The following EXOC6B variants were observed in gnomAD, a reference collection of about 807,000 sequenced individuals.
The protein encoded by EXOC6B is SEC15 homolog B.
In EXOC6B, 54 loss-of-function variants were observed where a neutral mutation model predicts 113.5. That is an observed-to-expected ratio of 0.48 (90% confidence interval 0.38 to 0.60). The LOEUF is 0.60. EXOC6B is among the 20% of genes least tolerant of loss of function. EXOC6B has a pLI of 0.00. For missense variants in EXOC6B, 797 were observed against 977.5 expected, an observed-to-expected ratio of 0.82 and a Z score of 2.46; for synonymous variants, 357 against 339.0, an observed-to-expected ratio of 1.05 and a Z score of -0.58.
chr2:72,383,369 C>T (rs1691808747), intron 18 of EXOC6B, among the ~76,000 whole-genome samples: 1 of 152,046 alleles, frequency 6.6e-6, no homozygotes, highest in African/African-American at 2.4e-5. Flanking sequence ...AGAAGTCACA[C>T]ATGTGGCCAA....
Position 72,287,732 on chromosome 2 carries a change from C to T in EXOC6B, c.2196+47215G>A, listed in dbSNP as rs375395435. Among the ~76,000 whole-genome samples, 29 of 152,026 alleles carry T rather than the reference C, an allele frequency of 1.9e-4. No homozygotes were observed. In the East Asian group the frequency reaches 5.2e-3, roughly 27 times the overall value. ...GAAAATTCCTAGAAAACACAATTTA[C>T]CAAAACTGATATAAGAATAAACAGA... On this transcript the variant is annotated intron_variant, in intron 20 of 21. Coordinates refer to ENST00000272427, the MANE Select transcript of EXOC6B (RefSeq NM_015189.3).
intron 20 of EXOC6B, among the ~76,000 whole-genome samples, chr2:72,264,432 G>T (rs183594179): frequency 6.6e-6 from 1 of 152,078 alleles, no homozygotes; most frequent in Non-Finnish European, 1.5e-5. Context: ...TTAGCCAGGC[G>T]TGATGGCAGG....
chr2:72,479,286 T>G (rs963873222), intron 17 of EXOC6B, among the ~76,000 whole-genome samples: 2 of 152,222 alleles, frequency 1.3e-5, no homozygotes, highest in Non-Finnish European at 2.9e-5. Context: ...GAATACTTTC[T>G]GATTCAACAT....
intron 20 of EXOC6B, among the ~76,000 whole-genome samples, chr2:72,304,015 C>T (rs569942435): frequency 6.6e-6 from 1 of 152,330 alleles, no homozygotes; most frequent in East Asian, 1.9e-4. Context: ...ATCCTGCCAA[C>T]TCTGCAGAGC....
chr2:72,266,498 T>C (rs1684093286), intron 20 of EXOC6B, among the ~76,000 whole-genome samples: 1 of 151,932 alleles, frequency 6.6e-6, no homozygotes, highest in Non-Finnish European at 1.5e-5. Context: ...CCAGCACCAT[T>C]TGTTAAATAG....
chr2:72,179,505 C>CCT, intron 21 of EXOC6B, 44 bp from the exon 22 acceptor site: 1 of 1,612,146 alleles, frequency 6.2e-7, no homozygotes, highest in Non-Finnish European at 8.5e-7. Context: ...TTTGAGGAAA[C>CCT]AATGGTGGAA....
rs1364478218 is a variant in EXOC6B at position 72,336,089 on chromosome 2, T to A, written c.2123-1069A>T. Among the ~76,000 whole-genome samples the A allele has an allele frequency of 2.0e-5, 3 of 152,100 alleles. No individual in the cohort carries two copies. The East Asian group carries it at 5.8e-4, about 29-fold the overall frequency. ...TTATACTATTATTCAATTCTTTCTA[T>A]GAAGCCCGTGGCCAATCTCCTATTT... On this transcript the variant is annotated intron_variant, in intron 19 of 21. Coordinates refer to ENST00000272427, the MANE Select transcript of EXOC6B (RefSeq NM_015189.3).
intron 20 of EXOC6B, among the ~76,000 whole-genome samples, chr2:72,323,844 G>A (rs1238580105): frequency 2.0e-5 from 3 of 151,786 alleles, no homozygotes; most frequent in African/African-American, 7.3e-5. Flanking sequence ...GGGGGTGGGG[G>A]GCTAGGGGAG....
At chr2:72,779,664 T>C (rs1448966631) in intron 1 of EXOC6B, among the ~76,000 whole-genome samples, 1 of 152,128 alleles carries the variant, frequency 6.6e-6, no homozygotes, top group African/African-American at 2.4e-5. Flanking sequence ...AAATTAAACA[T>C]GGGACTAAGT....
At chr2:72,723,449 T>A (rs1221604821) in intron 5 of EXOC6B, among the ~76,000 whole-genome samples, 1 of 152,156 alleles carries the variant, frequency 6.6e-6, no homozygotes, top group Non-Finnish European at 1.5e-5. Flanking sequence ...CAAATTAAAT[T>A]TTGGTACTTT....
chr2:72,520,297 A>G (rs1701420255), intron 8 of EXOC6B, among the ~76,000 whole-genome samples: 1 of 152,170 alleles, frequency 6.6e-6, no homozygotes, highest in Non-Finnish European at 1.5e-5. Flanking sequence ...TTTGCCCTTC[A>G]TCTCCTACTG....
At chr2:72,481,982 A>G (rs1699125003) in intron 16 of EXOC6B, among the ~76,000 whole-genome samples, 1 of 152,244 alleles carries the variant, frequency 6.6e-6, no homozygotes, top group Non-Finnish European at 1.5e-5. Context: ...GGACATAATT[A>G]TAACTTCCAT....
At chr2:72,411,513 T>C (rs1694186070) in intron 18 of EXOC6B, among the ~76,000 whole-genome samples, 1 of 152,148 alleles carries the variant, frequency 6.6e-6, no homozygotes, top group South Asian at 2.1e-4. Flanking sequence ...TATACTTTTA[T>C]TGAAAAGGGA....
At chr2:72,210,860 C>T (rs1680143388) in intron 20 of EXOC6B, among the ~76,000 whole-genome samples, 1 of 152,206 alleles carries the variant, frequency 6.6e-6, no homozygotes, top group African/African-American at 2.4e-5. Flanking sequence ...GGTCAGTCGG[C>T]TGTGGACTCT....
chr2:72,548,510 G>A lies in EXOC6B; in HGVS notation c.915+10943C>T, dbSNP rs1703028771. Among the ~76,000 whole-genome samples the A allele has an allele frequency of 2.6e-5, 4 of 152,132 alleles. No individual in the cohort carries two copies. The South Asian group carries it at 8.3e-4, about 32-fold the overall frequency. On this transcript the variant is annotated intron_variant, in intron 8 of 21. Transcript: ENST00000272427. ...AAATGACAAAATATTAGAACTTTTT[G>A]TTACTTATGTTATGATCCTTCCGTT...
chr2:72,344,025 A>G (rs1206268592), intron 19 of EXOC6B, among the ~76,000 whole-genome samples: 1 of 152,112 alleles, frequency 6.6e-6, no homozygotes, highest in African/African-American at 2.4e-5. Context: ...TATTCTCTCT[A>G]TCCATTTCTC....
intron 1 of EXOC6B, among the ~76,000 whole-genome samples, chr2:72,799,252 A>C (rs1222157709): frequency 6.7e-6 from 1 of 148,384 alleles, no homozygotes; most frequent in Non-Finnish European, 1.5e-5. Flanking sequence ...AAAAAAAAAA[A>C]AAAAAAAAAC....
intron 2 of EXOC6B, among the ~76,000 whole-genome samples, chr2:72,733,449 A>C (rs1357245380): frequency 6.6e-6 from 1 of 152,164 alleles, no homozygotes; most frequent in African/African-American, 2.4e-5. Flanking sequence ...AGAAAGTACA[A>C]ATTTTATACA....
chr2:72,668,632 T>C (rs1392758015), intron 6 of EXOC6B, among the ~76,000 whole-genome samples: 3 of 152,148 alleles, frequency 2.0e-5, no homozygotes, highest in African/African-American at 7.2e-5. Context: ...TGGACACAGC[T>C]AAAAGCCATT....
Sources: allele counts gnomAD v4.1 joint callset (sites outside exome capture counted in the v4.1 genomes callset), GRCh38; gene constraint gnomAD v4.1.1; transcripts MANE v1.5; gene names NCBI Gene and HGNC (gene_info 2026-07-23, HGNC 2026-07-21).